The following C16orf96 variants were observed in gnomAD, a reference collection of about 807,000 sequenced individuals.
C16orf96 encodes chromosome 16 open reading frame 96.
C16orf96 carries 108 observed loss-of-function variants against 103.6 expected under a neutral mutation model. The ratio of observed to expected loss-of-function variants is 1.04; its 90% CI spans 0.89 to 1.22. The LOEUF is 1.22. Among genes scored for constraint, C16orf96 ranks in the 50% most tolerant of loss-of-function variants. The pLI, the probability that C16orf96 is intolerant of heterozygous loss-of-function variation, is 0.00. For synonymous variants in C16orf96, 566 were observed against 593.5 expected (o/e 0.95, Z 0.67); for missense variants, 1,586 against 1,464.2 (o/e 1.08, Z -1.36).
chr16:4,563,019 C>G, intron 1 of C16orf96: 1 of 991,790 alleles, frequency 1.0e-6, no homozygotes, highest in Non-Finnish European at 1.6e-6. Flanking sequence ...GTTACCATCT[C>G]TGCTGCTGCT....
chr16:4,587,216 CTT>C, intron 8 of C16orf96, 103 bp downstream of exon 8: 2 of 1,138,874 alleles, frequency 1.8e-6, no homozygotes, highest in Non-Finnish European at 2.6e-6. Flanking sequence ...TTCCCTCCCC[CTT>C]TGTTCATATT....
chr16:4,579,786 A>G (rs572348067), intron 6 of C16orf96, among the ~76,000 whole-genome samples: 28 of 151,900 alleles, frequency 1.8e-4, no homozygotes, highest in Middle Eastern at 6.8e-3. Context: ...TAATTTTTGT[A>G]TTTTTTGTAG....
rs567772794 is a variant in C16orf96 at position 4,565,500 on chromosome 16, C to T, written c.421-6061C>T. On this transcript the variant is annotated intron_variant, in intron 1 of 15. Coordinates refer to ENST00000444310, the MANE Select transcript of C16orf96 (RefSeq NM_001145011.2). Reference sequence around the variant, plus strand: ...TGAGATGGCACCACTGCAATCTCCACGCAAGATGCAGGGAGTCTGGCTCTG... The same window carrying T: ...TGAGATGGCACCACTGCAATCTCCATGCAAGATGCAGGGAGTCTGGCTCTG... Among the ~76,000 whole-genome samples, 11 of 152,278 alleles carry T rather than the reference C, an allele frequency of 7.2e-5. No homozygotes were observed. In the East Asian group the frequency reaches 1.9e-3, roughly 27 times the overall value.
In C16orf96 at chr16:4,594,813, G is replaced by A. The variant is rs760622405; in HGVS notation, c.3127+10G>A. ...GCAAAGGAGCTGGCAGGTGAGGGGC[G>A]TAGGGCTCCCTGGGGCACCCTTGCC... On this transcript the variant is annotated intron_variant, in intron 14 of 15. Coordinates refer to ENST00000444310, the MANE Select transcript of C16orf96 (RefSeq NM_001145011.2). The A allele has an allele frequency of 1.4e-5, 21 of 1,549,126 alleles. No homozygotes were observed. Among genetic ancestry groups the A allele is most frequent in the South Asian group, 6.0e-5 (5 of 83,972 alleles).
chr16:4,576,583 G>A lies in C16orf96; in HGVS notation c.2103G>A (p.Lys701=), dbSNP rs1188682647. The A allele has an allele frequency of 6.4e-7, 1 of 1,551,480 alleles. No individual in the cohort carries two copies. The highest frequency in any genetic ancestry group is 8.7e-7 in the Non-Finnish European group (1 of 1,146,994). The change falls in exon 5 of 16, where the codon AAG becomes AAA. Residue 701 remains lysine, a synonymous_variant. Coordinates refer to ENST00000444310, the MANE Select transcript of C16orf96 (RefSeq NM_001145011.2). ...TACCTGTCAAACACGACTCTCTGAA[G>A]GAAGAATTTGCCCAGCTGTCCTGTA... is the stretch of plus-strand genomic sequence containing the variant. ...AQIPVKHDSL[K]EEFAQLSCNL...
Position 4,580,085 on chromosome 16 carries a change from AGGCGGT to A in C16orf96, c.2315_2320del (p.Ala772_Val773del). 1 of 1,545,602 alleles carries A rather than the reference AGGCGGT, an allele frequency of 6.5e-7. No individual in the cohort carries two copies. Among genetic ancestry groups the A allele is most frequent in the Admixed American group, 2.0e-5 (1 of 50,312 alleles). The stretch of plus-strand genomic sequence containing the variant: ...AAGGATCGCTACATCACTTTGGACA[AGGCGGT>A]GGAGAACCTGCAGATTCGCATGGAT... On this transcript the variant is annotated inframe_deletion, in exon 7 of 16. Transcript: ENST00000444310.
chr16:4,558,045 G>T (rs770164355), intron 1 of C16orf96, among the ~76,000 whole-genome samples: 4 of 152,202 alleles, frequency 2.6e-5, no homozygotes, highest in African/African-American at 7.2e-5. Context: ...GAACAGGCAC[G>T]CCCGGCCTAG....
At chr16:4,554,994 G>A (rs2059249376), upstream of C16orf96, among the ~76,000 whole-genome samples, 1 of 151,866 alleles carries the variant, frequency 6.6e-6, no homozygotes, top group Non-Finnish European at 1.5e-5. Context: ...CAGGTGTGGT[G>A]GCTCACACCT....
At chr16:4,566,083 GCA>G (rs1348829537) in intron 1 of C16orf96, among the ~76,000 whole-genome samples, 3 of 152,200 alleles carry the variant, frequency 2.0e-5, no homozygotes, top group Non-Finnish European at 4.4e-5. Flanking sequence ...CTGACCTCAA[GCA>G]CTCTTCCACC....
At chr16:4,581,835 A>G (rs2059592445) in intron 7 of C16orf96, among the ~76,000 whole-genome samples, 1 of 152,088 alleles carries the variant, frequency 6.6e-6, no homozygotes, top group African/African-American at 2.4e-5. Flanking sequence ...ACATGCCTGT[A>G]GTCCCAGCTA....
At chr16:4,569,270 C>G (rs975517529) in intron 1 of C16orf96, among the ~76,000 whole-genome samples, 1 of 152,074 alleles carries the variant, frequency 6.6e-6, no homozygotes, top group Admixed American at 6.6e-5. Flanking sequence ...GCTGGACCTT[C>G]CTTATCTTAG....
At chr16:4,562,858 G>A in intron 1 of C16orf96, 2 of 1,378,468 alleles carry the variant, frequency 1.5e-6, no homozygotes, top group Non-Finnish European at 2.0e-6. Flanking sequence ...TGTTCTGTCA[G>A]CTGGCTCCAT....
intron 1 of C16orf96, chr16:4,563,088 G>C: frequency 1.3e-6 from 1 of 791,126 alleles, no homozygotes; most frequent in Non-Finnish European, 2.2e-6. Context: ...TTCTTTACAG[G>C]TTTTTCTGGA....
At chr16:4,548,520 G>A in the C16orf96 span, among the ~76,000 whole-genome samples, 2 of 152,202 alleles carry the variant, frequency 1.3e-5, no homozygotes, top group African/African-American at 4.8e-5. Context: ...AACACCTGCT[G>A]ACCTTCAGCA....
chr16:4,600,126 T>C lies in C16orf96; in HGVS notation c.3235T>C (p.Ser1079Pro). ...PPLCPRSSACSAASGPHLTMP... is the reference protein window; with the variant it reads ...PPLCPRSSACPAASGPHLTMP... Reference sequence around the variant, plus strand: ...CCTGTGCCCCCGCTCCAGTGCCTGCTCAGCTGCCTCGGGCCCTCACCTGAC... The same window carrying C: ...CCTGTGCCCCCGCTCCAGTGCCTGCCCAGCTGCCTCGGGCCCTCACCTGAC... The change falls in exon 16 of 16, where the codon TCA (serine) becomes CCA (proline). Residue 1079 changes from serine to proline, a missense_variant. By Grantham distance (74) the Ser-to-Pro change is moderately conservative (BLOSUM62 -1). Coordinates refer to ENST00000444310, the MANE Select transcript of C16orf96 (RefSeq NM_001145011.2). 2 of 1,551,588 alleles carry C rather than the reference T, an allele frequency of 1.3e-6. No homozygotes were observed. Among genetic ancestry groups the C allele is most frequent in the Non-Finnish European group, 1.7e-6 (2 of 1,147,092 alleles).
upstream of C16orf96, among the ~76,000 whole-genome samples, chr16:4,552,093 C>T (rs1302012478): frequency 6.6e-6 from 1 of 152,314 alleles, no homozygotes; most frequent in African/African-American, 2.4e-5. Flanking sequence ...GACATGAACT[C>T]ATCCTTTTTT....
Position 4,556,348 on chromosome 16 carries a change from G to A in C16orf96, c.-142G>A. 1 of 781,734 alleles carries A rather than the reference G, an allele frequency of 1.3e-6. No individual in the cohort carries two copies. Among genetic ancestry groups the A allele is most frequent in the Non-Finnish European group, 2.0e-6 (1 of 510,186 alleles). The allele number at this position is 781,734 out of a possible 1,614,324, so 48.4% of individuals were successfully genotyped here. A position where few individuals can be genotyped will look rare whatever the true frequency, so the allele number is the denominator to read the frequency against. ...TGATCTGAGCTCCAGCCAGAACAGA[G>A]GCCATTCCTCCCTGACTGCTGTGAC... On this transcript the variant is annotated 5_prime_UTR_variant, in exon 1 of 16. Coordinates refer to ENST00000444310, the MANE Select transcript of C16orf96 (RefSeq NM_001145011.2).
upstream of C16orf96, among the ~76,000 whole-genome samples, chr16:4,555,499 A>T (rs963782515): frequency 6.6e-6 from 1 of 151,062 alleles, no homozygotes; most frequent in Admixed American, 6.6e-5. Context: ...CAGCCTCCAG[A>T]GTAGCTGGGA....
rs1897059573 is a variant in C16orf96, at chr16:4,591,569, C to T, written c.2593-97C>T. On this transcript the variant is annotated intron_variant, in intron 9 of 15. Coordinates refer to ENST00000444310, the MANE Select transcript of C16orf96 (RefSeq NM_001145011.2). ...CTATTTTAGTTGAATTTTGTTACAC[C>T]GTGTAACTTCCCAGGTTGCTGCAAC... The T allele has an allele frequency of 2.8e-5, 27 of 956,016 alleles. No individual in the cohort carries two copies. The East Asian group carries it at 3.2e-4, about 11-fold the overall frequency. 59.2% of individuals were successfully genotyped at this position (956,016 alleles called of 1,614,324 possible). A position where few individuals can be genotyped will look rare whatever the true frequency, so the allele number is the denominator to read the frequency against.
Sources: gnomAD v4.1 joint callset for allele counts (sites outside exome capture counted in the v4.1 genomes callset) on GRCh38, gnomAD v4.1.1 for gene constraint, MANE v1.5 for transcripts, NCBI Gene and HGNC (gene_info 2026-07-23, HGNC 2026-07-21) for gene names.